The following ZNF366 variants were observed in gnomAD, a reference collection of about 807,000 sequenced individuals.
ZNF366 encodes the protein dendritic cell-specific transcript protein.
Under a neutral mutation model 47.2 loss-of-function variants are expected in ZNF366, and 20 were observed. That is an observed-to-expected ratio of 0.42 (90% confidence interval 0.30 to 0.62). ZNF366 has a LOEUF of 0.62. Among genes scored for constraint, ZNF366 ranks in the 20% least tolerant of loss-of-function variants. ZNF366 has a pLI of 0.16. For synonymous variants in ZNF366, 421 were observed against 395.1 expected (o/e 1.07, Z -0.78); for missense variants, 987 against 976.3 (o/e 1.01, Z -0.15).
At chr5:72,445,761 G>A (rs924166373) in intron 4 of ZNF366, among the ~76,000 whole-genome samples, 5 of 152,146 alleles carry the variant, frequency 3.3e-5, no homozygotes, top group South Asian at 2.1e-4. Flanking sequence ...CACCGCTTCC[G>A]GAAAAATCCA....
chr5:72,470,904 G>T (rs1197335390), intron 1 of ZNF366, among the ~76,000 whole-genome samples: 1 of 152,214 alleles, frequency 6.6e-6, no homozygotes, highest in East Asian at 1.9e-4. Flanking sequence ...CCAATGAGTG[G>T]CATGTTCCTT....
chr5:72,495,909 G>A (rs1744103561), intron 1 of ZNF366, among the ~76,000 whole-genome samples: 1 of 151,808 alleles, frequency 6.6e-6, no homozygotes, highest in Admixed American at 6.6e-5. Flanking sequence ...CTACTCCCCT[G>A]TCCAAAGGCA....
intron 1 of ZNF366, chr5:72,472,579 G>A: frequency 1.0e-6 from 1 of 985,170 alleles, no homozygotes; most frequent in Non-Finnish European, 1.2e-6. Context: ...GTAAGTATAA[G>A]TCCAAAAATG....
chr5:72,485,284 A>G (rs765251605), intron 1 of ZNF366, among the ~76,000 whole-genome samples: 1 of 152,198 alleles, frequency 6.6e-6, no homozygotes, highest in Non-Finnish European at 1.5e-5. Context: ...GAGGTCAGGG[A>G]TCCTGTTAGT....
At chr5:72,453,327 A>G (rs1743113770) in intron 3 of ZNF366, among the ~76,000 whole-genome samples, 1 of 152,372 alleles carries the variant, frequency 6.6e-6, no homozygotes, top group African/African-American at 2.4e-5. Context: ...AGCCACGTCA[A>G]TCACAAGACA....
chr5:72,485,766 T>C (rs1250639852), intron 1 of ZNF366, among the ~76,000 whole-genome samples: 1 of 152,192 alleles, frequency 6.6e-6, no homozygotes, highest in Non-Finnish European at 1.5e-5. Flanking sequence ...AGTCTCTACA[T>C]GAAGTTTCTC....
intron 1 of ZNF366, among the ~76,000 whole-genome samples, chr5:72,473,913 C>G (rs1268620632): frequency 1.3e-5 from 2 of 152,152 alleles, no homozygotes; most frequent in African/African-American, 2.4e-5. Flanking sequence ...GGTTGTGATC[C>G]TCTTACTATG....
chr5:72,460,420 G>A lies in ZNF366; in HGVS notation c.1077C>T (p.His359=), dbSNP rs772948316. 1.2e-6 allele frequency: 2 copies of A among 1,614,216 alleles called. No homozygotes were observed. Among genetic ancestry groups the A allele is most frequent in the East Asian group, 2.2e-5 (1 of 44,874 alleles). The change falls in exon 2 of 5, where the codon CAC becomes CAT. Residue 359 remains histidine (H), a synonymous_variant. Coordinates refer to ENST00000318442, the MANE Select transcript of ZNF366 (RefSeq NM_152625.3). ...CACAGATGTTCTCGCGCCCACTGGCGTGCTTGGCTTCGTGGGCCTTGAGCT... is the reference window on the plus strand; with the variant it reads ...CACAGATGTTCTCGCGCCCACTGGCATGCTTGGCTTCGTGGGCCTTGAGCT... ...PSELKAHEAK[H]ASGRENICVE...
At chr5:72,445,629 G>A (rs1280565093) in intron 4 of ZNF366, among the ~76,000 whole-genome samples, 1 of 152,154 alleles carries the variant, frequency 6.6e-6, no homozygotes, top group Non-Finnish European at 1.5e-5. Flanking sequence ...AGAGCTGTTA[G>A]GTGTCTTTTA....
chr5:72,487,176 C>T (rs926781186), intron 1 of ZNF366, among the ~76,000 whole-genome samples: 11 of 152,210 alleles, frequency 7.2e-5, no homozygotes, highest in Non-Finnish European at 1.2e-4. Context: ...ATATATAATG[C>T]TACCGGAGAG....
intron 1 of ZNF366, among the ~76,000 whole-genome samples, chr5:72,485,480 G>A (rs921337654): frequency 2.0e-5 from 3 of 152,038 alleles, no homozygotes; most frequent in East Asian, 1.9e-4. Flanking sequence ...CAAATCCTAC[G>A]GGCTCCATTT....
intron 1 of ZNF366, chr5:72,493,753 A>G (rs1014667703): frequency 6.6e-6 from 1 of 151,518 alleles, no homozygotes; most frequent in African/African-American, 2.4e-5. Flanking sequence ...AACATTAAAC[A>G]TTTTTTTTCT....
At chr5:72,484,012 G>A (rs1743838780) in intron 1 of ZNF366, among the ~76,000 whole-genome samples, 1 of 152,050 alleles carries the variant, frequency 6.6e-6, no homozygotes, top group Non-Finnish European at 1.5e-5. Context: ...TTCAATTCAT[G>A]ACCAATCTCA....
intron 1 of ZNF366, among the ~76,000 whole-genome samples, chr5:72,496,832 C>T (rs1424350807): frequency 6.6e-6 from 1 of 152,122 alleles, no homozygotes. Context: ...AGACATTTTA[C>T]TGGGTGTGTA....
chr5:72,505,927 G>T (rs991590190), intron 1 of ZNF366, among the ~76,000 whole-genome samples: 14 of 152,126 alleles, frequency 9.2e-5, no homozygotes, highest in Admixed American at 2.0e-4. Context: ...GTTTTATGAT[G>T]CTCCTAAAGA....
Position 72,460,639 on chromosome 5 carries a change from G to A in ZNF366, c.858C>T (p.Cys286=), listed in dbSNP as rs1161486327. ...SGIKPHACTH[C]GKLFKQLSHL... ...GGCTGAGCTGCTTGAAGAGCTTCCC[G>A]CAGTGCGTGCACGCGTGCGGCTTGA... The change falls in exon 2 of 5, where the codon TGC becomes TGT. Residue 286 remains cysteine, a synonymous_variant. Transcript: ENST00000318442. The A allele has an allele frequency of 6.2e-7, 1 of 1,614,202 alleles. No individual in the cohort carries two copies. Among genetic ancestry groups the A allele is most frequent in the Non-Finnish European group, 8.5e-7 (1 of 1,180,038 alleles).
In ZNF366 at chr5:72,461,446, C is replaced by T; in HGVS notation, c.51G>A (p.Leu17=). The T allele has an allele frequency of 6.3e-7, 1 of 1,599,258 alleles. No homozygotes were observed. Among genetic ancestry groups the T allele is most frequent in the South Asian group, 1.1e-5 (1 of 90,072 alleles). ...GAAAGGAGGGGGTCTTCTTCACAGC[C>T]AAGTCGAAATGCACATCCTCGTCTT... ...MIKDEDVHFD[L]AVKKTPSFPH... Residue 17 remains leucine, a synonymous_variant, in exon 2 of 5, where the codon TTG becomes TTA. Transcript: ENST00000318442.
At chr5:72,457,488 C>T (rs1743215437) in intron 2 of ZNF366, among the ~76,000 whole-genome samples, 1 of 152,214 alleles carries the variant, frequency 6.6e-6, no homozygotes, top group South Asian at 2.1e-4. Flanking sequence ...GAACAAGTTA[C>T]TTAGTTAACA....
Position 72,461,153 on chromosome 5 carries a change from A to G in ZNF366, c.344T>C (p.Leu115Pro). ...KNHGLPNLPL[L>P]FPQPPRPKYD... ...CTTGGGGCGCGGGGGCTGCGGGAACAGCAAAGGGAGGTTGGGAAGGCCGTG... is the reference window on the plus strand; with the variant it reads ...CTTGGGGCGCGGGGGCTGCGGGAACGGCAAAGGGAGGTTGGGAAGGCCGTG... The change falls in exon 2 of 5, where the codon CTG (leucine) becomes CCG (proline). Residue 115 changes from leucine (L) to proline (P), a missense_variant. By Grantham distance (98) the Leu-to-Pro change is moderately conservative. This residue lies in a region of ZNF366 where 591 missense variants were observed against 560.9 expected (regional missense o/e 1.05). Transcript: ENST00000318442. The G allele has an allele frequency of 1.9e-6, 3 of 1,614,184 alleles. No individual in the cohort carries two copies. Among genetic ancestry groups the G allele is most frequent in the Non-Finnish European group, 2.5e-6 (3 of 1,180,028 alleles).
Sources: gnomAD v4.1 joint callset for allele counts (sites outside exome capture counted in the v4.1 genomes callset) on GRCh38, gnomAD v4.1.1 for gene constraint, gnomAD v4.1.1 regional missense constraint, MANE v1.5 for transcripts, NCBI Gene and HGNC (gene_info 2026-07-23, HGNC 2026-07-21) for gene names.